LRRC4C: variants seen among roughly 807,000 people sequenced by gnomAD.
The protein encoded by LRRC4C is leucine rich repeat containing 4C, also known as leucine-rich repeat-containing protein 4C.
Under a neutral mutation model 33.6 loss-of-function variants are expected in LRRC4C, and 5 were observed. The observed-to-expected ratio is 0.15, with a 90% CI of 0.08 to 0.31. The LOEUF (loss-of-function observed/expected upper bound fraction) is 0.31, where lower values mean the gene tolerates loss of function less well. Among genes scored for constraint, LRRC4C ranks in the 10% least tolerant of loss-of-function variants. The pLI is 1.00. For missense variants in LRRC4C, 560 were observed against 796.7 expected, an observed-to-expected ratio of 0.70 and a Z score of 3.58; for synonymous variants, 329 against 302.0, an observed-to-expected ratio of 1.09 and a Z score of -0.93.
At chr11:40,498,275 A>G (rs893682332) in intron 3 of LRRC4C, among the ~76,000 whole-genome samples, 4 of 152,186 alleles carry the variant, frequency 2.6e-5, no homozygotes, top group Non-Finnish European at 5.9e-5. Context: ...AAGTAACGCT[A>G]CAACGGAATT....
intron 3 of LRRC4C, among the ~76,000 whole-genome samples, chr11:40,442,185 A>AG (rs1951429369): frequency 1.3e-5 from 2 of 151,232 alleles, no homozygotes; most frequent in South Asian, 4.2e-4. Flanking sequence ...AAAAAAAAAA[A>AG]AAAGATCAAC....
chr11:40,565,391 A>C lies in LRRC4C; in HGVS notation c.-270+82751T>G, dbSNP rs116423192. Among the ~76,000 whole-genome samples, 730 of 152,312 alleles carry C rather than the reference A, an allele frequency of 4.8e-3. 1 individual carries two copies. The highest frequency in any genetic ancestry group is 0.016 in the African/African-American group (683 of 41,568). On this transcript the variant is annotated intron_variant, in intron 3 of 6. Coordinates refer to ENST00000528697, the MANE Select transcript of LRRC4C (RefSeq NM_001258419.2). ...AGTCTGCAATTTCAAGATGTACTGT[A>C]GAGTTCATGCTAAAATTATACTATC...
At chr11:41,282,627 G>T (rs1431575555) in intron 1 of LRRC4C, among the ~76,000 whole-genome samples, 3 of 151,026 alleles carry the variant, frequency 2.0e-5, no homozygotes, top group African/African-American at 2.4e-5. Flanking sequence ...GGTGTGGATC[G>T]GTTTGCGTAG....
chr11:40,487,396 T>C (rs1226662380), intron 3 of LRRC4C, among the ~76,000 whole-genome samples: 1 of 152,076 alleles, frequency 6.6e-6, no homozygotes, highest in East Asian at 1.9e-4. Context: ...GATATCCATG[T>C]CTTAATACCA....
chr11:40,834,297 C>A (rs1186927247), intron 2 of LRRC4C, among the ~76,000 whole-genome samples: 3 of 151,800 alleles, frequency 2.0e-5, no homozygotes, highest in Admixed American at 6.6e-5. Context: ...ATGGTAAAAC[C>A]CTGTCTCTAC....
intron 1 of LRRC4C, among the ~76,000 whole-genome samples, chr11:40,997,768 G>A (rs1854086822): frequency 6.6e-6 from 1 of 151,972 alleles, no homozygotes; most frequent in African/African-American, 2.4e-5. Flanking sequence ...AACAGGGAGG[G>A]CTGTTCCACT....
intron 1 of LRRC4C, among the ~76,000 whole-genome samples, chr11:41,237,566 AT>A (rs1948075925): frequency 6.6e-6 from 1 of 152,196 alleles, no homozygotes; most frequent in Admixed American, 6.5e-5. Context: ...ACTGGATGAC[AT>A]TCCTTAAAAC....
intron 1 of LRRC4C, among the ~76,000 whole-genome samples, chr11:41,387,757 C>T (rs1953418175): frequency 6.6e-6 from 1 of 151,760 alleles, no homozygotes; most frequent in Non-Finnish European, 1.5e-5. Flanking sequence ...CCACCCGACA[C>T]CCATAGTTAT....
chr11:40,245,882 T>A (rs1267268769), intron 4 of LRRC4C, among the ~76,000 whole-genome samples: 1 of 152,026 alleles, frequency 6.6e-6, no homozygotes, highest in African/African-American at 2.4e-5. Context: ...CACCATTATA[T>A]TAGTATTATA....
chr11:41,199,724 C>T (rs990200), intron 1 of LRRC4C, among the ~76,000 whole-genome samples: 93,884 of 151,872 alleles, frequency 0.62, 31,810 homozygotes, highest in South Asian at 0.78. Flanking sequence ...GCCAGCGTTT[C>T]TGTGATTGCT....
At chr11:41,283,392 G>T (rs1380998207) in intron 1 of LRRC4C, among the ~76,000 whole-genome samples, 1 of 152,160 alleles carries the variant, frequency 6.6e-6, no homozygotes, top group Non-Finnish European at 1.5e-5. Flanking sequence ...TTACTAGGTG[G>T]TGAATAATGC....
chr11:40,541,244 T>C lies in LRRC4C; in HGVS notation c.-270+106898A>G, dbSNP rs574909385. Among the ~76,000 whole-genome samples the C allele has an allele frequency of 7.9e-5, 12 of 152,248 alleles. 2 individuals are homozygous for C. The highest frequency in any genetic ancestry group is 2.9e-4 in the African/African-American group (12 of 41,572). The stretch of plus-strand genomic sequence containing the variant: ...TCTCACAGACTGGAATTCAGTGGCA[T>C]GATATTAGCTTACTACAGCCTCAAA... On this transcript the variant is annotated intron_variant, in intron 3 of 6. Coordinates refer to ENST00000528697, the MANE Select transcript of LRRC4C (RefSeq NM_001258419.2).
chr11:40,160,663 C>T (rs542328455), intron 5 of LRRC4C, among the ~76,000 whole-genome samples: 4 of 152,150 alleles, frequency 2.6e-5, no homozygotes, highest in East Asian at 1.9e-4. Flanking sequence ...TATAGACGAG[C>T]GAAAGGGCAG....
chr11:40,293,741 G>A (rs952339276), intron 4 of LRRC4C: 3 of 152,154 alleles, frequency 2.0e-5, no homozygotes, highest in Admixed American at 6.5e-5. Flanking sequence ...GCTGCGTTGG[G>A]TACATTTTGG....
At chr11:41,203,253 C>T (rs1946472009) in intron 1 of LRRC4C, among the ~76,000 whole-genome samples, 1 of 152,130 alleles carries the variant, frequency 6.6e-6, no homozygotes, top group African/African-American at 2.4e-5. Context: ...AGATTTCATT[C>T]TAAGGTTCTG....
chr11:41,275,807 A>T (rs1339352489), intron 1 of LRRC4C, among the ~76,000 whole-genome samples: 1 of 152,230 alleles, frequency 6.6e-6, no homozygotes, highest in African/African-American at 2.4e-5. Context: ...CATTAAATTG[A>T]TAGAAACAGA....
chr11:41,351,260 C>T lies in LRRC4C; in HGVS notation c.-496+108171G>A, dbSNP rs868392692. On this transcript the variant is annotated intron_variant, in intron 1 of 6. Transcript: ENST00000528697. ...ATACACACACACACACATACACACACACACACACACATACATTTTCCACAT... is the reference window on the plus strand; with the variant it reads ...ATACACACACACACACATACACACATACACACACACATACATTTTCCACAT... 3.1e-3 allele frequency among the ~76,000 whole-genome samples: 478 copies of T among 151,806 alleles called. 5 individuals carry two copies. Among genetic ancestry groups the T allele is most frequent in the South Asian group, 0.024 (113 of 4,798 alleles).
At chr11:40,984,239 G>A (rs565501128) in intron 1 of LRRC4C, among the ~76,000 whole-genome samples, 1 of 148,176 alleles carries the variant, frequency 6.7e-6, no homozygotes, top group African/African-American at 2.5e-5. Context: ...GGAAAGGAAA[G>A]GGGAAAGGAA....
intron 3 of LRRC4C, among the ~76,000 whole-genome samples, chr11:40,417,039 T>A (rs1232006660): frequency 6.6e-6 from 1 of 152,146 alleles, no homozygotes; most frequent in South Asian, 2.1e-4. Context: ...CCTTTTCAAA[T>A]GAACAATAAA....
Sources: allele counts gnomAD v4.1 joint callset (sites outside exome capture counted in the v4.1 genomes callset), GRCh38; gene constraint gnomAD v4.1.1; transcripts MANE v1.5; gene names NCBI Gene and HGNC (gene_info 2026-07-23, HGNC 2026-07-21).